OPCML: variants seen among roughly 807,000 people sequenced by gnomAD.
OPCML encodes opioid binding protein/cell adhesion molecule like.
In OPCML, 13 loss-of-function variants were observed where a neutral mutation model predicts 37.8. The ratio of observed to expected loss-of-function variants is 0.34; its 90% confidence interval spans 0.22 to 0.55. The LOEUF is 0.55. Ranked by LOEUF, OPCML falls within the 20% of genes least tolerant of loss-of-function variation. The probability of loss-of-function intolerance (pLI) is 0.91; values close to 1 mark genes in which losing one functional copy is unlikely to be tolerated. For synonymous variants in OPCML, 176 were observed against 168.8 expected (o/e 1.04, Z -0.33); for missense variants, 341 against 435.6 (o/e 0.78, Z 1.93).
rs113400133 is a variant in OPCML at position 132,594,739 on chromosome 11, G to T, written c.379+62348C>A. On this transcript the variant is annotated intron_variant, in intron 3 of 7. Coordinates refer to ENST00000524381, the MANE Select transcript of OPCML (RefSeq NM_001012393.5). ...GATTATATCACCATGTCCAAAATAG[G>T]TATGAAAATCTAAGCTGGTCAAATC... is the stretch of plus-strand genomic sequence containing the variant. Among the ~76,000 whole-genome samples the T allele has an allele frequency of 1.3e-3, 194 of 152,284 alleles. 1 individual carries two copies. The highest frequency in any genetic ancestry group is 4.6e-3 in the African/African-American group (191 of 41,576).
At chr11:132,546,935 C>T (rs1487426399) in intron 3 of OPCML, among the ~76,000 whole-genome samples, 2 of 152,192 alleles carry the variant, frequency 1.3e-5, no homozygotes, top group Non-Finnish European at 2.9e-5. Flanking sequence ...GTGGCCCTAC[C>T]TTCCACTGCT....
In OPCML at chr11:132,415,735, G is replaced by T. The variant is rs1565541428; in HGVS notation, c.*4458C>A. ...CACTCCACATTTCTTTGGACTCTAA[G>T]TATTCTGCACCTGAAGGCTAAATTG... On this transcript the variant is annotated 3_prime_UTR_variant, in exon 8 of 8. Transcript: ENST00000524381. 1 of 152,604 alleles carries T rather than the reference G, an allele frequency of 6.6e-6. No homozygotes were observed. Among genetic ancestry groups the T allele is most frequent in the Non-Finnish European group, 1.5e-5 (1 of 68,032 alleles). The allele number at this position is 152,604 out of a possible 1,614,324, so 9.5% of individuals were successfully genotyped here. A position where few individuals can be genotyped will look rare whatever the true frequency, so the allele number is the denominator to read the frequency against.
chr11:133,361,548 G>GGGGCACCTGCAGCTAC (rs1944419431), intron 1 of OPCML: 1 of 159,070 alleles, frequency 6.3e-6, no homozygotes, highest in African/African-American at 2.4e-5. Flanking sequence ...GCGCAGACAG[G>GGGGCACCTGCAGCTAC]TCCGGGGCAC....
At chr11:132,761,412 G>A (rs933919306) in intron 2 of OPCML, among the ~76,000 whole-genome samples, 32 of 151,948 alleles carry the variant, frequency 2.1e-4, no homozygotes, top group African/African-American at 7.3e-4. Flanking sequence ...TTCCAACTTG[G>A]TTCCATTTTC....
At chr11:132,891,021 C>T (rs1001849607) in intron 2 of OPCML, among the ~76,000 whole-genome samples, 2 of 151,990 alleles carry the variant, frequency 1.3e-5, no homozygotes, top group Non-Finnish European at 2.9e-5. Flanking sequence ...TGTTTGTGTC[C>T]GTCCCACATG....
At position 133,397,274 on chromosome 11, in the gene OPCML, T is replaced by A. The variant is rs565917241; in HGVS notation, c.61+134990A>T. On this transcript the variant is annotated intron_variant, in intron 1 of 7. Coordinates refer to ENST00000524381, the MANE Select transcript of OPCML (RefSeq NM_001012393.5). ...TATGTTTCCCTTCAATACCTAGGGA[T>A]ATAGAGTCACTGGTACTCAAAAATG... Among the ~76,000 whole-genome samples the A allele has an allele frequency of 2.0e-5, 3 of 152,356 alleles. No individual in the cohort carries two copies. In the South Asian group the frequency reaches 6.2e-4, roughly 32 times the overall value.
chr11:133,060,583 A>G (rs1358525158), intron 1 of OPCML, among the ~76,000 whole-genome samples: 3 of 152,178 alleles, frequency 2.0e-5, no homozygotes, highest in Non-Finnish European at 4.4e-5. Context: ...GGCAGCCACC[A>G]GGCCTTGGCT....
chr11:133,070,886 T>C (rs1249650302), intron 1 of OPCML, among the ~76,000 whole-genome samples: 2 of 152,096 alleles, frequency 1.3e-5, no homozygotes, highest in Non-Finnish European at 1.5e-5. Flanking sequence ...TACCCTGAGC[T>C]CAAATATGTT....
chr11:133,094,189 G>C (rs1214446366), intron 1 of OPCML, among the ~76,000 whole-genome samples: 1 of 152,114 alleles, frequency 6.6e-6, no homozygotes, highest in East Asian at 1.9e-4. Context: ...CTTTGCCTTT[G>C]AGGTTTGCAG....
Position 132,839,774 on chromosome 11 carries a change from A to G in OPCML, c.146+103152T>C, listed in dbSNP as rs1281518206. Among the ~76,000 whole-genome samples the G allele has an allele frequency of 2.6e-5, 4 of 152,180 alleles. No homozygotes were observed. The South Asian group carries it at 8.3e-4, about 31-fold the overall frequency. ...AGATGCAAATATGGTTGCTTTTTCA[A>G]TTATTCGGCAACTGATCTGATGGTT... is the stretch of plus-strand genomic sequence containing the variant. On this transcript the variant is annotated intron_variant, in intron 2 of 7. Coordinates refer to ENST00000524381, the MANE Select transcript of OPCML (RefSeq NM_001012393.5).
chr11:133,483,666 T>C (rs1947436077), intron 1 of OPCML, among the ~76,000 whole-genome samples: 1 of 144,574 alleles, frequency 6.9e-6, no homozygotes, highest in South Asian at 2.3e-4. Context: ...ACAGATTAGA[T>C]AAATAGATGA....
At chr11:133,243,793 G>A (rs534401439) in intron 1 of OPCML, among the ~76,000 whole-genome samples, 3 of 152,316 alleles carry the variant, frequency 2.0e-5, no homozygotes, top group South Asian at 2.1e-4. Context: ...GCTTATTTGC[G>A]AAATAAAGGA....
At chr11:132,896,807 C>T (rs557025075) in intron 2 of OPCML, among the ~76,000 whole-genome samples, 25 of 152,302 alleles carry the variant, frequency 1.6e-4, no homozygotes, top group South Asian at 1.0e-3. Context: ...GGGAGATAAT[C>T]CAATTAAAAT....
At chr11:132,733,145 G>T (rs750008908) in intron 2 of OPCML, among the ~76,000 whole-genome samples, 2 of 151,930 alleles carry the variant, frequency 1.3e-5, no homozygotes, top group Non-Finnish European at 2.9e-5. Context: ...AATAATTCTG[G>T]GAGCGAACAT....
Position 132,672,299 on chromosome 11 carries a change from T to C in OPCML, c.147-14980A>G, listed in dbSNP as rs111892920. 7.3e-3 allele frequency among the ~76,000 whole-genome samples: 1,112 copies of C among 152,338 alleles called. 19 individuals carry two copies. Among genetic ancestry groups the C allele is most frequent in the African/African-American group, 0.026 (1,063 of 41,580 alleles). On this transcript the variant is annotated intron_variant, in intron 2 of 7. Coordinates refer to ENST00000524381, the MANE Select transcript of OPCML (RefSeq NM_001012393.5). ...TTACTCCTGTCTCAGTTCATTATAA[T>C]GAATAATAAAGAAATACTTACATGT...
intron 1 of OPCML, among the ~76,000 whole-genome samples, chr11:133,224,228 C>T (rs1236084501): frequency 6.6e-6 from 1 of 152,116 alleles, no homozygotes; most frequent in Admixed American, 6.5e-5. Flanking sequence ...TAAGCCACCT[C>T]CAAAGGGGTC....
At chr11:133,317,404 C>T (rs891966365) in intron 1 of OPCML, among the ~76,000 whole-genome samples, 1 of 152,180 alleles carries the variant, frequency 6.6e-6, no homozygotes, top group African/African-American at 2.4e-5. Flanking sequence ...TATCCCCTCT[C>T]CTGATGCATA....
chr11:132,762,906 G>A (rs565491591), intron 2 of OPCML, among the ~76,000 whole-genome samples: 44 of 152,176 alleles, frequency 2.9e-4, no homozygotes, highest in Admixed American at 1.0e-3. Context: ...CCAAAGAGCC[G>A]CCCAGTTTTG....
rs1565468050 is a variant in OPCML at position 133,140,823 on chromosome 11, A to AGACGACGACGAAGAAGAC, written c.62-197831_62-197814dup. Among the ~76,000 whole-genome samples the AGACGACGACGAAGAAGAC allele has an allele frequency of 6.3e-5, 2 of 31,734 alleles. 1 individual carries two copies. The highest frequency in any genetic ancestry group is 1.4e-4 in the African/African-American group (2 of 14,808). 20.8% of individuals were successfully genotyped at this position (31,734 alleles called of 152,430 possible). ...AAGAAGAAGACGACGACGAAGAAGA[A>AGACGACGACGAAGAAGAC]GACGACGACGAAGAAGACGACGACG... On this transcript the variant is annotated intron_variant, in intron 1 of 7. Coordinates refer to ENST00000524381, the MANE Select transcript of OPCML (RefSeq NM_001012393.5).
Sources: gnomAD v4.1 joint callset for allele counts (sites outside exome capture counted in the v4.1 genomes callset) on GRCh38, gnomAD v4.1.1 for gene constraint, MANE v1.5 for transcripts, NCBI Gene and HGNC (gene_info 2026-07-23, HGNC 2026-07-21) for gene names.